Variants in CR1 observed in about 807,000 individuals in gnomAD.
The protein encoded by CR1 is complement receptor type 1.
In CR1, 116 loss-of-function variants were observed where a neutral mutation model predicts 187.3. The observed-to-expected ratio is 0.62, with a 90% CI of 0.53 to 0.72. The LOEUF is 0.72. Ranked by LOEUF, CR1 falls within the 30% of genes least tolerant of loss-of-function variation. CR1 has a pLI of 0.00. For missense variants in CR1, 1,731 were observed against 2,110.7 expected (o/e 0.82, Z 3.52); for synonymous variants, 576 against 747.1 (o/e 0.77, Z 3.73).
rs773187217 is a variant in CR1, at chr1:207,523,904, G to C, written c.781G>C (p.Val261Leu). 1.2e-6 allele frequency: 2 copies of C among 1,610,544 alleles called. No individual in the cohort carries two copies. Among genetic ancestry groups the C allele is most frequent in the Admixed American group, 1.7e-5 (1 of 59,910 alleles). Residue 261 changes from valine to leucine, a missense_variant, in exon 5 of 47, where the codon GTT (valine) becomes CTT (leucine). By Grantham distance (32) the Val-to-Leu change is conservative. This residue lies in a region of CR1 where 131 missense variants were observed against 196.8 expected (regional missense o/e 0.67). Transcript: ENST00000367049. Reference protein sequence around the residue: ...DNRSLFSLNEVVEFRCQPGFV... With the variant: ...DNRSLFSLNELVEFRCQPGFV... ...CAGAAGCTTATTTTCCTTAAATGAA[G>C]TTGTGGAGTTTAGGTGTCAGCCTGG...
intron 3 of CR1, among the ~76,000 whole-genome samples, chr1:207,509,165 G>A (rs1412472778): frequency 6.6e-6 from 1 of 152,170 alleles, no homozygotes; most frequent in African/African-American, 2.4e-5. Flanking sequence ...AATGGAAATG[G>A]GACTAATATC....
At chr1:207,578,551 T>G (rs968738216) in intron 29 of CR1, among the ~76,000 whole-genome samples, 9 of 152,268 alleles carry the variant, frequency 5.9e-5, no homozygotes, top group African/African-American at 1.9e-4. Context: ...ATGCATTTTC[T>G]CATTCATTAT....
chr1:207,578,505 C>A (rs1416921578), intron 29 of CR1, among the ~76,000 whole-genome samples: 1 of 152,210 alleles, frequency 6.6e-6, no homozygotes, highest in Non-Finnish European at 1.5e-5. Context: ...ATTATATGGA[C>A]TTTCTCTATG....
intron 35 of CR1, among the ~76,000 whole-genome samples, chr1:207,602,956 G>A (rs1355304799): frequency 6.6e-6 from 1 of 152,034 alleles, no homozygotes; most frequent in Non-Finnish European, 1.5e-5. Context: ...GGACTTATAA[G>A]CAGAAGATTT....
intron 32 of CR1, among the ~76,000 whole-genome samples, chr1:207,583,116 T>C (rs897410370): frequency 6.6e-6 from 1 of 151,554 alleles, no homozygotes; most frequent in Non-Finnish European, 1.5e-5. Context: ...GGATTAAGAG[T>C]TGCAAAGGTG....
intron 35 of CR1, among the ~76,000 whole-genome samples, chr1:207,594,796 C>G (rs1393202010): frequency 6.6e-6 from 1 of 152,178 alleles, no homozygotes; most frequent in African/African-American, 2.4e-5. Flanking sequence ...CACACAACCT[C>G]TTGCCCAACC....
Position 207,621,986 on chromosome 1 carries a change from T to C in CR1, c.7266T>C (p.Ala2422=), listed in dbSNP as rs908251682. Residue 2422 remains alanine, a synonymous_variant, in exon 44 of 47, where the codon GCT becomes GCC. Transcript: ENST00000367049. ...LAKCTSRTHD[A]LIVGTLSGTI... ...TCTTCCTTTTAGGTACACATGATGC[T>C]CTCATAGTTGGTAAGTTTTATGAAA... The C allele has an allele frequency of 6.3e-6, 10 of 1,598,194 alleles. No individual in the cohort carries two copies. Among genetic ancestry groups the C allele is most frequent in the Non-Finnish European group, 8.5e-6 (10 of 1,170,850 alleles).
At chr1:207,587,677 T>C (rs1558250411) in intron 34 of CR1, 112 bp downstream of exon 34, 10 of 1,044,436 alleles carry the variant, frequency 9.6e-6, no homozygotes, top group Middle Eastern at 2.5e-4. Flanking sequence ...GGCTGGCAGA[T>C]AGCTTGAACT....
intron 45 of CR1, among the ~76,000 whole-genome samples, chr1:207,629,468 G>A (rs946425186): frequency 5.3e-5 from 8 of 151,982 alleles, no homozygotes; most frequent in African/African-American, 1.5e-4. Flanking sequence ...ATACCACCTG[G>A]CTATATACCA....
chr1:207,587,280 GTC>G (rs982446855), intron 33 of CR1, 104 bp from the exon 34 acceptor site: 3 of 967,874 alleles, frequency 3.1e-6, no homozygotes, highest in Non-Finnish European at 4.5e-6. Context: ...ATTCTTGTAA[GTC>G]TCTTTGTTTC....
chr1:207,605,455 T>C (rs977498693), intron 35 of CR1, among the ~76,000 whole-genome samples: 1 of 152,056 alleles, frequency 6.6e-6, no homozygotes, highest in Non-Finnish European at 1.5e-5. Context: ...CACCACATTT[T>C]ACCCTATAAA....
At chr1:207,581,209 TATACATATGGACACGTATATGTAG>T (rs1558245433) in intron 31 of CR1, among the ~76,000 whole-genome samples, 2,442 of 150,520 alleles carry the variant, frequency 0.016, 89 homozygotes, top group South Asian at 0.032. Context: ...TATGTAGACG[TATACATATGGACACGTATATGTAG>T]ACGTATACAT....
intron 24 of CR1, 145 bp from the exon 25 acceptor site, chr1:207,567,679 C>T: frequency 3.3e-6 from 4 of 1,199,170 alleles, no homozygotes; most frequent in South Asian, 2.9e-5. Flanking sequence ...ATTGACATCT[C>T]ATTTAATCCA....
intron 35 of CR1, among the ~76,000 whole-genome samples, chr1:207,598,408 A>G (rs535088001): frequency 1.5e-5 from 2 of 137,348 alleles, no homozygotes; most frequent in East Asian, 4.1e-4. Context: ...CCAGTGCACA[A>G]TAAAGACAAG....
At chr1:207,618,387 C>T in intron 42 of CR1, 140 bp downstream of exon 42, 1 of 759,782 alleles carries the variant, frequency 1.3e-6, no homozygotes, top group Non-Finnish European at 2.1e-6. Flanking sequence ...TTTTCATTTA[C>T]ATAAAATTAT....
intron 31 of CR1, among the ~76,000 whole-genome samples, chr1:207,581,506 A>C (rs972022545): frequency 2.0e-5 from 1 of 49,950 alleles, no homozygotes; most frequent in African/African-American, 3.6e-5. Flanking sequence ...TGAAGAGATA[A>C]ATAAATATTC....
chr1:207,511,774 C>A (rs143638065), intron 4 of CR1, 120 bp downstream of exon 4: 8 of 893,266 alleles, frequency 9.0e-6, no homozygotes, highest in South Asian at 6.9e-5. Context: ...CTGAAGACTG[C>A]GGTAATGTTC....
chr1:207,575,634 C>G lies in CR1; in HGVS notation c.4491C>G (p.Leu1497=), dbSNP rs1660719448. The part of the protein sequence containing the change: ...LIGHSSAECI[L]SGNTAHWSTK... ...GTCACTCATCTGCTGAATGTATCCT[C>G]TCAGGCAATACTGCCCATTGGAGCA... Residue 1497 remains leucine (L), a synonymous_variant, in exon 28 of 47, where the codon CTC becomes CTG. Transcript: ENST00000367049. 1 of 1,611,698 alleles carries G rather than the reference C, an allele frequency of 6.2e-7. No homozygotes were observed. Among genetic ancestry groups the G allele is most frequent in the Admixed American group, 1.7e-5 (1 of 60,002 alleles).
intron 35 of CR1, among the ~76,000 whole-genome samples, chr1:207,600,233 C>T (rs1661566667): frequency 6.6e-6 from 1 of 152,076 alleles, no homozygotes; most frequent in African/African-American, 2.4e-5. Context: ...TATTTTTCTT[C>T]AATTCTTGTC....
Sources: gnomAD v4.1 joint callset for allele counts (sites outside exome capture counted in the v4.1 genomes callset) on GRCh38, gnomAD v4.1.1 for gene constraint, gnomAD v4.1.1 regional missense constraint, MANE v1.5 for transcripts, NCBI Gene and HGNC (gene_info 2026-07-23, HGNC 2026-07-21) for gene names.